The following DLG2 variants were observed in gnomAD, a reference collection of about 807,000 sequenced individuals.
The protein encoded by DLG2 is disks large homolog 2.
DLG2 carries 45 observed loss-of-function variants against 132.5 expected under a neutral mutation model. The ratio of observed to expected loss-of-function variants is 0.34; its 90% CI spans 0.27 to 0.44. DLG2 has a LOEUF of 0.44. DLG2 is among the 20% of genes least tolerant of loss of function. The probability of loss-of-function intolerance (pLI) is 1.00; values close to 1 mark genes in which losing one functional copy is unlikely to be tolerated. For synonymous variants in DLG2, 424 were observed against 419.6 expected (o/e 1.01, Z -0.13); for missense variants, 1,045 against 1,196.9 (o/e 0.87, Z 1.87).
chr11:84,572,591 T>C (rs996235995), intron 6 of DLG2, among the ~76,000 whole-genome samples: 4 of 152,266 alleles, frequency 2.6e-5, no homozygotes, highest in Non-Finnish European at 5.9e-5. Context: ...TCCTGCCTTT[T>C]AGAACACAGG....
intron 6 of DLG2, among the ~76,000 whole-genome samples, chr11:84,758,206 T>C (rs1172779447): frequency 6.6e-6 from 1 of 152,208 alleles, no homozygotes; most frequent in Non-Finnish European, 1.5e-5. Flanking sequence ...CTGTACTGTT[T>C]TGGGCAAAAT....
chr11:84,369,732 G>T (rs1327165532), intron 7 of DLG2, among the ~76,000 whole-genome samples: 1 of 152,122 alleles, frequency 6.6e-6, no homozygotes, highest in Non-Finnish European at 1.5e-5. Context: ...GGTTGGAACT[G>T]CTGTATAAAA....
chr11:83,731,016 G>T (rs2090912406), intron 18 of DLG2, among the ~76,000 whole-genome samples: 1 of 152,182 alleles, frequency 6.6e-6, no homozygotes, highest in South Asian at 2.1e-4. Context: ...AGATAGGCTA[G>T]TGGTTATGAG....
chr11:83,715,888 T>C (rs560796650), intron 18 of DLG2, among the ~76,000 whole-genome samples: 1 of 152,330 alleles, frequency 6.6e-6, no homozygotes, highest in East Asian at 1.9e-4. Context: ...ACCTCAGCTT[T>C]GACATTTCTT....
intron 6 of DLG2, among the ~76,000 whole-genome samples, chr11:84,799,575 T>C (rs2075114412): frequency 6.6e-6 from 1 of 152,254 alleles, no homozygotes; most frequent in African/African-American, 2.4e-5. Context: ...GGACAATCAG[T>C]GGAGGCTTCT....
chr11:83,819,192 A>C (rs1161091280), intron 17 of DLG2, among the ~76,000 whole-genome samples: 3 of 152,106 alleles, frequency 2.0e-5, no homozygotes, highest in Non-Finnish European at 2.9e-5. Context: ...AATGTAGGCC[A>C]GGTGTAGTGG....
intron 21 of DLG2, among the ~76,000 whole-genome samples, chr11:83,522,315 T>C (rs968993529): frequency 1.6e-5 from 2 of 123,390 alleles, no homozygotes; most frequent in Non-Finnish European, 3.3e-5. Context: ...TGTGTGTATA[T>C]GTATGTGTGT....
intron 7 of DLG2, among the ~76,000 whole-genome samples, chr11:84,350,156 C>T (rs985281761): frequency 5.1e-5 from 7 of 136,338 alleles, no homozygotes; most frequent in Admixed American, 8.2e-5. Context: ...CCAGCCTGGG[C>T]GACAGAGAGA....
intron 7 of DLG2, among the ~76,000 whole-genome samples, chr11:84,357,895 G>T (rs915228019): frequency 6.6e-6 from 1 of 151,290 alleles, no homozygotes; most frequent in African/African-American, 2.4e-5. Flanking sequence ...TGTACAGGAG[G>T]GTTATTGTAA....
chr11:85,396,570 G>C (rs2087394173), intron 3 of DLG2, among the ~76,000 whole-genome samples: 1 of 152,192 alleles, frequency 6.6e-6, no homozygotes, highest in Admixed American at 6.5e-5. Flanking sequence ...AAACAGTGTA[G>C]AGAAGATCTT....
At chr11:84,485,878 C>G (rs1242947130) in intron 7 of DLG2, among the ~76,000 whole-genome samples, 1 of 152,130 alleles carries the variant, frequency 6.6e-6, no homozygotes, top group Non-Finnish European at 1.5e-5. Context: ...AGTTCTCACT[C>G]ATTGCAGGTT....
intron 6 of DLG2, among the ~76,000 whole-genome samples, chr11:84,935,001 A>C (rs572537093): frequency 6.6e-6 from 1 of 152,272 alleles, no homozygotes; most frequent in South Asian, 2.1e-4. Context: ...TTTCTGCCTG[A>C]AACTTCCTCT....
intron 6 of DLG2, among the ~76,000 whole-genome samples, chr11:84,659,655 A>G (rs2099692352): frequency 6.6e-6 from 1 of 152,118 alleles, no homozygotes; most frequent in Non-Finnish European, 1.5e-5. Flanking sequence ...GGGAATTATC[A>G]TTTGGATGTT....
chr11:85,430,362 GAAAA>G (rs1208868480), intron 3 of DLG2, among the ~76,000 whole-genome samples: 1 of 151,040 alleles, frequency 6.6e-6, no homozygotes, highest in Non-Finnish European at 1.5e-5. Context: ...TAAAAAAAAA[GAAAA>G]AGAAAGAAAA....
chr11:84,540,741 C>T (rs1451155080), intron 6 of DLG2, among the ~76,000 whole-genome samples: 2 of 152,118 alleles, frequency 1.3e-5, no homozygotes, highest in Non-Finnish European at 2.9e-5. Context: ...CACATGCACA[C>T]GTATGTTTAT....
At chr11:84,565,417 C>T (rs1316907460) in intron 6 of DLG2, among the ~76,000 whole-genome samples, 1 of 152,126 alleles carries the variant, frequency 6.6e-6, no homozygotes, top group African/African-American at 2.4e-5. Flanking sequence ...ACAACAATTT[C>T]CACCTCATGG....
At chr11:85,369,221 C>G (rs2084783834) in intron 3 of DLG2, among the ~76,000 whole-genome samples, 1 of 152,076 alleles carries the variant, frequency 6.6e-6, no homozygotes, top group East Asian at 1.9e-4. Context: ...TGCTCCCCCT[C>G]CCCTCTGTGT....
intron 4 of DLG2, among the ~76,000 whole-genome samples, chr11:85,166,610 G>A (rs2078469231): frequency 6.6e-6 from 1 of 151,570 alleles, no homozygotes. Flanking sequence ...ATAATGATTA[G>A]TCCACCTGAT....
chr11:84,943,131 T>C (rs2049687908), intron 6 of DLG2, among the ~76,000 whole-genome samples: 2 of 151,680 alleles, frequency 1.3e-5, no homozygotes, highest in South Asian at 2.1e-4. Flanking sequence ...ACATGTTTCC[T>C]GTAGGCCACA....
Sources: allele counts gnomAD v4.1 joint callset (sites outside exome capture counted in the v4.1 genomes callset), GRCh38; gene constraint gnomAD v4.1.1; transcripts MANE v1.5; gene names NCBI Gene and HGNC (gene_info 2026-07-23, HGNC 2026-07-21).